Variants in ISCU observed in about 807,000 individuals in gnomAD.
ISCU encodes iron-sulfur cluster assembly enzyme ISCU.
In ISCU, 13 loss-of-function variants were observed where a neutral mutation model predicts 18.4. That is an observed-to-expected ratio of 0.71 (90% CI 0.46 to 1.12). ISCU has a LOEUF of 1.12. Among genes scored for constraint, ISCU ranks in the 50% most tolerant of loss-of-function variants. ISCU has a pLI of 0.00. For synonymous variants in ISCU, 104 were observed against 87.5 expected (o/e 1.19, Z -1.06); for missense variants, 229 against 208.7 (o/e 1.10, Z -0.60).
intron 4 of ISCU, 176 bp downstream of exon 4, chr12:108,567,444 C>G (rs781037204): frequency 2.3e-5 from 17 of 731,548 alleles, no homozygotes; most frequent in Non-Finnish European, 3.9e-5. Flanking sequence ...ACATTCATCC[C>G]TAAGAGAATC....
chr12:108,562,691 G>C lies in ISCU; in HGVS notation c.69G>C (p.Leu23=). 1 of 1,483,610 alleles carries C rather than the reference G, an allele frequency of 6.7e-7. No homozygotes were observed. 91.9% of individuals were successfully genotyped at this position (1,483,610 alleles called of 1,614,324 possible). A position where few individuals can be genotyped will look rare whatever the true frequency, so the allele number is the denominator to read the frequency against. Residue 23 remains leucine (L), a synonymous_variant, in exon 1 of 5, where the codon CTG becomes CTC. Transcript: ENST00000311893. ...CTCTGCTGCTGCGGAGCCCCCGCCTGCCCGCCCGGGAGCTGTCGGCCCCGG... is the reference window on the plus strand; with the variant it reads ...CTCTGCTGCTGCGGAGCCCCCGCCTCCCCGCCCGGGAGCTGTCGGCCCCGG... ...ASALLLRSPR[L]PARELSAPAR... is the part of the protein sequence containing the mutation.
chr12:108,567,583 C>T, intron 4 of ISCU: 1 of 1,223,608 alleles, frequency 8.2e-7, no homozygotes, highest in Non-Finnish European at 1.2e-6. Flanking sequence ...GAAGCTAAGG[C>T]TTGGGTTGAG....
intron 2 of ISCU, 172 bp from the exon 3 acceptor site, chr12:108,565,149 C>A (rs1340619117): frequency 1.6e-6 from 1 of 623,684 alleles, no homozygotes; most frequent in South Asian, 1.9e-5. Context: ...CCCTGCATTT[C>A]ACTTTTCATC....
At chr12:108,563,083 C>G (rs1295971033) in intron 1 of ISCU, 2 of 187,694 alleles carry the variant, frequency 1.1e-5, no homozygotes, top group African/African-American at 4.7e-5. Flanking sequence ...ACTCCGCTGC[C>G]CTGGCCAGAT....
At chr12:108,567,917 C>G in intron 4 of ISCU, 1 of 1,403,818 alleles carries the variant, frequency 7.1e-7, no homozygotes, top group African/African-American at 1.4e-5. Context: ...TTAACCTTCT[C>G]AGGGAAAGAA....
At position 108,568,874 on chromosome 12, in the gene ISCU, A is replaced by G; in HGVS notation, c.462A>G (p.Lys154=). 1 of 1,613,646 alleles carries G rather than the reference A, an allele frequency of 6.2e-7. No individual in the cohort carries two copies. Residue 154 remains lysine, a synonymous_variant, in exon 5 of 5, where the codon AAA becomes AAG. Transcript: ENST00000311893. ...TCAAGGCCGCCCTGGCTGATTACAA[A>G]TTGAAACAAGAACCCAAAAAAGGAG... is the stretch of plus-strand genomic sequence containing the variant. ...DAIKAALADY[K]LKQEPKKGEA...
At chr12:108,563,749 G>A in intron 1 of ISCU, 1 of 362,892 alleles carries the variant, frequency 2.8e-6, no homozygotes, top group South Asian at 2.3e-5. Flanking sequence ...CTGCACCAGG[G>A]TGATGACAGG....
chr12:108,563,056 G>A lies in ISCU; in HGVS notation c.114+320G>A, dbSNP rs533218522. ...CCAGGGACAGACACACCCCCGGAGCGGGCTCCGGCTTCAGCCACTCCGCTG... is the reference window on the plus strand; with the variant it reads ...CCAGGGACAGACACACCCCCGGAGCAGGCTCCGGCTTCAGCCACTCCGCTG... On this transcript the variant is annotated intron_variant, in intron 1 of 4. Coordinates refer to ENST00000311893, the MANE Select transcript of ISCU (RefSeq NM_213595.4). 1.7e-4 allele frequency: 35 copies of A among 211,510 alleles called. No individual in the cohort carries two copies. The South Asian group carries it at 4.5e-3, about 27-fold the overall frequency. 13.1% of individuals were successfully genotyped at this position (211,510 alleles called of 1,614,324 possible). A position where few individuals can be genotyped will look rare whatever the true frequency, so the allele number is the denominator to read the frequency against.
intron 4 of ISCU, chr12:108,568,389 CTT>C (rs2030999054): frequency 9.2e-7 from 1 of 1,092,702 alleles, no homozygotes; most frequent in African/African-American, 1.7e-5. Flanking sequence ...TTGACATGAT[CTT>C]TTTTCCAAAG....
At chr12:108,562,513 C>T, upstream of ISCU, 1 of 571,338 alleles carries the variant, frequency 1.8e-6, no homozygotes, top group Non-Finnish European at 2.8e-6. Context: ...AAAGCGCAGG[C>T]GCAAAGCTTC....
intron 2 of ISCU, chr12:108,564,994 C>A (rs1237754228): frequency 7.8e-6 from 3 of 386,744 alleles, no homozygotes; most frequent in Non-Finnish European, 9.4e-6. Flanking sequence ...TTTAAAGAGG[C>A]CAGATTGCCC....
In ISCU at chr12:108,564,367, C is replaced by T. The variant is rs2030787834; in HGVS notation, c.203C>T (p.Ala68Val). 1.9e-6 allele frequency: 3 copies of T among 1,613,090 alleles called. No homozygotes were observed. The highest frequency in any genetic ancestry group is 2.5e-6 in the Non-Finnish European group (3 of 1,178,982). Reference sequence around the variant, plus strand: ...GGAACTGGACTGGTGGGGGCTCCAGCATGTGGTGACGTAATGAAATTACAG... The same window carrying T: ...GGAACTGGACTGGTGGGGGCTCCAGTATGTGGTGACGTAATGAAATTACAG... ...NVGTGLVGAP[A>V]CGDVMKLQIQ... Residue 68 changes from alanine to valine, a missense_variant, in exon 2 of 5, where the codon GCA becomes GTA. Coordinates refer to ENST00000311893, the MANE Select transcript of ISCU (RefSeq NM_213595.4).
chr12:108,567,075 A>C lies in ISCU; in HGVS notation c.340-115A>C, dbSNP rs146814247. On this transcript the variant is annotated intron_variant, in intron 3 of 4. Coordinates refer to ENST00000311893, the MANE Select transcript of ISCU (RefSeq NM_213595.4). ...AGACCCTTAGCCGTTTGAGTTATTA[A>C]ACAGAAATCATCCCCACCAACCCTG... 6.4e-4 allele frequency: 497 copies of C among 774,064 alleles called. 3 individuals are homozygous for C. Among genetic ancestry groups the C allele is most frequent in the African/African-American group, 5.7e-3 (336 of 59,392 alleles). The allele number at this position is 774,064 out of a possible 1,614,324, so 47.9% of individuals were successfully genotyped here.
At chr12:108,567,379 A>C in intron 4 of ISCU, 111 bp downstream of exon 4, 1 of 891,462 alleles carries the variant, frequency 1.1e-6, no homozygotes, top group South Asian at 1.3e-5. Context: ...CCTCAGAATT[A>C]GAGCTCATGA....
intron 3 of ISCU, among the ~76,000 whole-genome samples, chr12:108,566,606 A>G (rs558849481): frequency 6.6e-6 from 1 of 152,320 alleles, no homozygotes; most frequent in South Asian, 2.1e-4. Flanking sequence ...CCTGCCTCAC[A>G]TTATCCCCCA....
At position 108,565,353 on chromosome 12, in the gene ISCU, T is replaced by A; in HGVS notation, c.261T>A (p.Asp87Glu). Residue 87 changes from aspartate to glutamate, a missense_variant, in exon 3 of 5, where the codon GAT becomes GAA. By Grantham distance (45) the Asp-to-Glu change is conservative (BLOSUM62 2). Transcript: ENST00000311893. The part of the protein sequence containing the change: ...IQVDEKGKIV[D>E]ARFKTFGCGS... ...TGGATGAAAAGGGGAAGATTGTGGA[T>A]GCTAGGTTTAAAACATTTGGCTGTG... is the stretch of plus-strand genomic sequence containing the variant. 1 of 1,614,156 alleles carries A rather than the reference T, an allele frequency of 6.2e-7. No homozygotes were observed. Among genetic ancestry groups the A allele is most frequent in the Non-Finnish European group, 8.5e-7 (1 of 1,179,986 alleles).
At chr12:108,562,924 G>A in intron 1 of ISCU, 188 bp downstream of exon 1, 1 of 400,032 alleles carries the variant, frequency 2.5e-6, no homozygotes, top group Admixed American at 4.5e-5. Context: ...CTCATCGGGC[G>A]GCGACTTCCA....
Position 108,568,896 on chromosome 12 carries a change from G to A in ISCU, c.484G>A (p.Gly162Arg). Residue 162 changes from glycine to arginine, a missense_variant, in exon 5 of 5, where the codon GGA becomes AGA. Gly to Arg is a moderately radical substitution (Grantham distance 125, BLOSUM62 -2). Coordinates refer to ENST00000311893, the MANE Select transcript of ISCU (RefSeq NM_213595.4). ...DYKLKQEPKK[G>R]EAEKK ...CAAATTGAAACAAGAACCCAAAAAA[G>A]GAGAGGCAGAGAAGAAATGAGCCCT... is the stretch of plus-strand genomic sequence containing the variant. 1 of 1,612,820 alleles carries A rather than the reference G, an allele frequency of 6.2e-7. No homozygotes were observed. Among genetic ancestry groups the A allele is most frequent in the Admixed American group, 1.7e-5 (1 of 59,830 alleles).
At chr12:108,564,093 C>G in intron 1 of ISCU, 186 bp from the exon 2 acceptor site, 26 of 1,612,238 alleles carry the variant, frequency 1.6e-5, no homozygotes, top group Non-Finnish European at 2.2e-5. Flanking sequence ...GTAGAGGAGA[C>G]ACAAAAGGAA....
Sources: gnomAD v4.1 joint callset for allele counts (sites outside exome capture counted in the v4.1 genomes callset) on GRCh38, gnomAD v4.1.1 for gene constraint, MANE v1.5 for transcripts, NCBI Gene and HGNC (gene_info 2026-07-23, HGNC 2026-07-21) for gene names.